AK9: variants seen among roughly 807,000 people sequenced by gnomAD.
The protein encoded by AK9 is adenylate kinase domain containing 1.
Under a neutral mutation model 239.6 loss-of-function variants are expected in AK9, and 191 were observed. That is an observed-to-expected ratio of 0.80 (90% CI 0.71 to 0.90). AK9 has a LOEUF of 0.90. Ranked by LOEUF, AK9 falls within the 40% of genes least tolerant of loss-of-function variation. AK9 has a pLI of 0.00. For missense variants in AK9, 1,995 were observed against 2,214.7 expected, an observed-to-expected ratio of 0.90 and a Z score of 1.99; for synonymous variants, 689 against 721.0, an observed-to-expected ratio of 0.96 and a Z score of 0.71.
Position 109,506,493 on chromosome 6 carries a change from C to T in AK9, c.4683G>A (p.Lys1561=), listed in dbSNP as rs1442583067. The T allele has an allele frequency of 6.2e-7, 1 of 1,611,876 alleles. No homozygotes were observed. The highest frequency in any genetic ancestry group is 8.5e-7 in the Non-Finnish European group (1 of 1,178,696). ...TAATCTCACCAATATTTTTGCGATA[C>T]TTTACATTATTGACAGCTACAATTT... ...SAQIVAVNNV[K]YRKNIGEIRQ... Residue 1561 remains lysine (K), a synonymous_variant, in exon 35 of 41, where the codon AAG becomes AAA. Coordinates refer to ENST00000424296, the MANE Select transcript of AK9 (RefSeq NM_001145128.3).
intron 24 of AK9, among the ~76,000 whole-genome samples, chr6:109,554,867 TC>T (rs34518418): frequency 6.6e-6 from 1 of 152,172 alleles, no homozygotes. Flanking sequence ...AGTGGTGATA[TC>T]CCCTTTGTCA....
At chr6:109,510,355 T>G (rs944973152) in intron 32 of AK9, among the ~76,000 whole-genome samples, 4 of 152,054 alleles carry the variant, frequency 2.6e-5, no homozygotes, top group African/African-American at 7.2e-5. Context: ...GTACCCTCTC[T>G]GTTGATAGCT....
At position 109,590,868 on chromosome 6, in the gene AK9, A is replaced by G. The variant is rs150302343; in HGVS notation, c.1843-4796T>C. Among the ~76,000 whole-genome samples the G allele has an allele frequency of 7.2e-4, 109 of 152,212 alleles. 2 individuals are homozygous for G. The highest frequency in any genetic ancestry group is 2.4e-3 in the African/African-American group (100 of 41,546). On this transcript the variant is annotated intron_variant, in intron 17 of 40. Coordinates refer to ENST00000424296, the MANE Select transcript of AK9 (RefSeq NM_001145128.3). ...TGTTATTGATTTCTAGTTTTATTCC[A>G]CTTTGGTCCAAGAAGGTACTTTACA...
intron 25 of AK9, among the ~76,000 whole-genome samples, chr6:109,547,929 A>C (rs1783805722): frequency 1.3e-5 from 2 of 152,122 alleles, no homozygotes; most frequent in South Asian, 4.1e-4. Context: ...AAAAGAACAC[A>C]TACAAATGGA....
chr6:109,561,620 T>A (rs1785791327), intron 24 of AK9, among the ~76,000 whole-genome samples: 1 of 152,192 alleles, frequency 6.6e-6, no homozygotes, highest in South Asian at 2.1e-4. Flanking sequence ...GGCTGACATT[T>A]TTTTTTCCCT....
At chr6:109,644,271 G>A (rs9400310) in intron 9 of AK9, among the ~76,000 whole-genome samples, 88,665 of 151,976 alleles carry the variant, frequency 0.58, 27,525 homozygotes, top group South Asian at 0.84. Flanking sequence ...TTTTTACTTT[G>A]GTCATCCTAG....
intron 8 of AK9, among the ~76,000 whole-genome samples, chr6:109,648,661 T>A (rs1257408317): frequency 6.6e-6 from 1 of 152,056 alleles, no homozygotes; most frequent in East Asian, 1.9e-4. Context: ...CTACCAAAGG[T>A]ACAAAGAGGA....
At chr6:109,690,504 A>G (rs1319854971) in intron 1 of AK9, 3 of 152,158 alleles carry the variant, frequency 2.0e-5, no homozygotes, top group African/African-American at 7.2e-5. Flanking sequence ...CAGGGAAGCA[A>G]CTGCCTCCAG....
chr6:109,561,301 A>G (rs1172595055), intron 24 of AK9, among the ~76,000 whole-genome samples: 1 of 149,670 alleles, frequency 6.7e-6, no homozygotes, highest in Non-Finnish European at 1.5e-5. Context: ...TCCTAGGTTG[A>G]CAGTTTATTT....
intron 13 of AK9, among the ~76,000 whole-genome samples, chr6:109,615,643 C>G (rs911460960): frequency 2.0e-5 from 3 of 152,074 alleles, no homozygotes; most frequent in Middle Eastern, 3.4e-3. Flanking sequence ...TCTTGGGCAC[C>G]ATGTTGAATT....
At chr6:109,496,265 C>A (rs1322811784) in intron 38 of AK9, among the ~76,000 whole-genome samples, 1 of 152,192 alleles carries the variant, frequency 6.6e-6, no homozygotes, top group African/African-American at 2.4e-5. Context: ...TCCCCTCAGC[C>A]GGCCGTGTGC....
At chr6:109,615,121 T>C (rs987051000) in intron 13 of AK9, among the ~76,000 whole-genome samples, 3 of 152,198 alleles carry the variant, frequency 2.0e-5, no homozygotes, top group African/African-American at 7.2e-5. Context: ...GCTAACTTCC[T>C]GCCTTGGTCC....
chr6:109,623,890 C>G (rs1795168692), intron 12 of AK9, among the ~76,000 whole-genome samples: 1 of 147,832 alleles, frequency 6.8e-6, no homozygotes, highest in African/African-American at 2.6e-5. Flanking sequence ...CACACACACA[C>G]ACACACACAC....
intron 10 of AK9, among the ~76,000 whole-genome samples, chr6:109,638,022 C>G (rs1229195632): frequency 6.6e-6 from 1 of 152,090 alleles, no homozygotes; most frequent in Non-Finnish European, 1.5e-5. Flanking sequence ...GTCTGGACTG[C>G]CAGGTAGAAA....
intron 1 of AK9, among the ~76,000 whole-genome samples, chr6:109,681,495 T>C (rs546014625): frequency 6.6e-6 from 1 of 152,252 alleles, no homozygotes; most frequent in South Asian, 2.1e-4. Context: ...ACAATAATAA[T>C]GGGAGACTTT....
At chr6:109,614,161 G>A in intron 15 of AK9, 22 bp downstream of exon 15, 7 of 1,513,790 alleles carry the variant, frequency 4.6e-6, no homozygotes, top group South Asian at 1.2e-5. Context: ...ACAAACGTGG[G>A]ATTAGCAGTT....
intron 17 of AK9, among the ~76,000 whole-genome samples, chr6:109,587,997 G>A (rs1351447227): frequency 2.0e-5 from 3 of 151,980 alleles, no homozygotes; most frequent in Admixed American, 1.3e-4. Flanking sequence ...GGAGTAAGAT[G>A]CTATTTCATT....
chr6:109,528,965 C>T, intron 29 of AK9, 46 bp downstream of exon 29: 1 of 1,579,732 alleles, frequency 6.3e-7, no homozygotes, highest in Non-Finnish European at 8.6e-7. Context: ...CTGCCCTGGG[C>T]AACAGAGTGA....
At chr6:109,496,999 C>A (rs186838035) in intron 38 of AK9, among the ~76,000 whole-genome samples, 3 of 152,242 alleles carry the variant, frequency 2.0e-5, no homozygotes, top group African/African-American at 7.2e-5. Context: ...TCTGACCCTG[C>A]CCTCCACCTC....
Sources: gnomAD v4.1 joint callset for allele counts (sites outside exome capture counted in the v4.1 genomes callset) on GRCh38, gnomAD v4.1.1 for gene constraint, MANE v1.5 for transcripts, NCBI Gene and HGNC (gene_info 2026-07-23, HGNC 2026-07-21) for gene names.